Variants in IGSF10 observed in about 807,000 individuals in gnomAD.
The protein encoded by IGSF10 is calvaria mechanical force protein 608.
A neutral mutation model predicts 128.2 loss-of-function variants in IGSF10; 126 were observed. The observed-to-expected ratio is 0.98, with a 90% CI of 0.85 to 1.14. IGSF10 has a LOEUF of 1.14. IGSF10 is among the 50% of genes most tolerant of loss of function. The probability of loss-of-function intolerance (pLI) is 0.00; values close to 1 mark genes in which losing one functional copy is unlikely to be tolerated. For synonymous variants in IGSF10, 1,185 were observed against 1,146.2 expected, an observed-to-expected ratio of 1.03 and a Z score of -0.68; for missense variants, 3,295 against 3,149.8, an observed-to-expected ratio of 1.05 and a Z score of -1.10.
intron 6 of IGSF10, 22 bp from the exon 7 acceptor site, chr3:151,443,906 T>A: frequency 6.5e-7 from 1 of 1,539,736 alleles, no homozygotes; most frequent in Non-Finnish European, 8.8e-7. Flanking sequence ...AAAAGAAAAT[T>A]ATTGCTACGG....
chr3:151,451,810 A>G (rs935436008), intron 5 of IGSF10, among the ~76,000 whole-genome samples: 6 of 152,240 alleles, frequency 3.9e-5, no homozygotes, highest in African/African-American at 1.2e-4. Context: ...AGTATGTAAA[A>G]AAGAATGGAA....
At chr3:151,485,680 A>C in the IGSF10 span, among the ~76,000 whole-genome samples, 1 of 152,196 alleles carries the variant, frequency 6.6e-6, no homozygotes, top group Non-Finnish European at 1.5e-5. Flanking sequence ...TTCAACCCAG[A>C]ATTTCGTATC....
chr3:151,545,459 T>C, the IGSF10 span, among the ~76,000 whole-genome samples: 3 of 152,248 alleles, frequency 2.0e-5, no homozygotes, highest in Admixed American at 2.0e-4. Context: ...GCAAGGCCTT[T>C]GCTCTGAGTG....
chr3:151,576,225 A>T, the IGSF10 span, among the ~76,000 whole-genome samples: 1 of 151,866 alleles, frequency 6.6e-6, no homozygotes, highest in Non-Finnish European at 1.5e-5. Flanking sequence ...ATATATTAGC[A>T]CCATTTTCAT....
chr3:151,442,969 A>G lies in IGSF10; in HGVS notation c.5963+15T>C. The G allele has an allele frequency of 6.3e-7, 1 of 1,597,622 alleles. No individual in the cohort carries two copies. The highest frequency in any genetic ancestry group is 8.5e-7 in the Non-Finnish European group (1 of 1,170,968). On this transcript the variant is annotated intron_variant, in intron 7 of 7. Transcript: ENST00000282466. ...ACATAAAGCAGATAATTCCAACCCA[A>G]AGGTATAGACTTACCTATGCTGCTG...
the IGSF10 span, among the ~76,000 whole-genome samples, chr3:151,542,989 G>A: frequency 6.6e-6 from 1 of 151,796 alleles, no homozygotes; most frequent in African/African-American, 2.4e-5. Context: ...TCTAGACATC[G>A]TCTATTGATA....
the IGSF10 span, among the ~76,000 whole-genome samples, chr3:151,581,091 G>C: frequency 1.3e-5 from 2 of 152,022 alleles, no homozygotes; most frequent in Admixed American, 1.3e-4. Context: ...AAAGCAAGCA[G>C]TTTATATTTT....
intron 2 of IGSF10, among the ~76,000 whole-genome samples, chr3:151,459,571 C>G (rs1491973): frequency 0.92 from 139,784 of 152,244 alleles, 64,387 homozygotes; most frequent in East Asian, 1. Flanking sequence ...TGCTCAGCTT[C>G]GGACATCTCT....
At position 151,448,422 on chromosome 3, in the gene IGSF10, G is replaced by A. The variant is rs1169772435; in HGVS notation, c.1559C>T (p.Pro520Leu). 1.2e-6 allele frequency: 2 copies of A among 1,614,070 alleles called. No individual in the cohort carries two copies. The highest frequency in any genetic ancestry group is 2.2e-5 in the East Asian group (1 of 44,902). Residue 520 changes from proline (P) to leucine (L), a missense_variant, in exon 6 of 8, where the codon CCT (proline) becomes CTT (leucine). By Grantham distance (98) the Pro-to-Leu change is moderately conservative. Transcript: ENST00000282466. ...GATCCGTCCATCCTCACTGACATAAGGGGCTCTCACTTTACTTCCATCAGC... is the reference window on the plus strand; with the variant it reads ...GATCCGTCCATCCTCACTGACATAAAGGGCTCTCACTTTACTTCCATCAGC... ...LLADGSKVRA[P>L]YVSEDGRILI...
the IGSF10 span, among the ~76,000 whole-genome samples, chr3:151,607,620 T>C: frequency 6.6e-6 from 1 of 151,910 alleles, no homozygotes; most frequent in Non-Finnish European, 1.5e-5. Context: ...GATTAAGAAG[T>C]GGGAACATGG....
At chr3:151,494,691 A>C in the IGSF10 span, among the ~76,000 whole-genome samples, 1 of 152,100 alleles carries the variant, frequency 6.6e-6, no homozygotes, top group Non-Finnish European at 1.5e-5. Flanking sequence ...TGAGAAGTTT[A>C]CCTTTTATTC....
the IGSF10 span, among the ~76,000 whole-genome samples, chr3:151,541,145 T>C: frequency 4.6e-5 from 7 of 152,330 alleles, no homozygotes; most frequent in South Asian, 1.4e-3. Flanking sequence ...TTTAATTAAG[T>C]TCATTACATC....
the IGSF10 span, among the ~76,000 whole-genome samples, chr3:151,491,398 G>A: frequency 6.6e-6 from 1 of 152,024 alleles, no homozygotes; most frequent in African/African-American, 2.4e-5. Flanking sequence ...CCAACATGAT[G>A]AGACCCCGTC....
chr3:151,450,450 C>T (rs1240954677), intron 5 of IGSF10, among the ~76,000 whole-genome samples: 3 of 152,180 alleles, frequency 2.0e-5, no homozygotes, highest in African/African-American at 7.2e-5. Flanking sequence ...GAAACTCACT[C>T]TGACCAAGGA....
rs144086705 is a variant in IGSF10 at position 151,437,288 on chromosome 3, T to C, written c.7273A>G (p.Ile2425Val). Reference sequence around the variant, plus strand: ...ACTGGCTTCTGGCCAATTTCTAATATGACTAATTTCTCAATATAGCCAACT... The same window carrying C: ...ACTGGCTTCTGGCCAATTTCTAATACGACTAATTTCTCAATATAGCCAACT... ...NKVGYIEKLVILEIGQKPVIL... is the reference protein window; with the variant it reads ...NKVGYIEKLVVLEIGQKPVIL... The change falls in exon 8 of 8, where the codon ATA becomes GTA. Residue 2425 changes from isoleucine (I) to valine (V), a missense_variant. Transcript: ENST00000282466. 4.3e-6 allele frequency: 7 copies of C among 1,614,080 alleles called. No individual in the cohort carries two copies. Among genetic ancestry groups the C allele is most frequent in the Non-Finnish European group, 5.9e-6 (7 of 1,180,028 alleles).
At chr3:151,492,418 C>T in the IGSF10 span, among the ~76,000 whole-genome samples, 36 of 152,282 alleles carry the variant, frequency 2.4e-4, no homozygotes, top group East Asian at 6.4e-3. Context: ...GGAATATAGA[C>T]TGGTTCAGCT....
rs1721114289 is a variant in IGSF10 at position 151,445,272 on chromosome 3, C to G, written c.4709G>C (p.Trp1570Ser). 1 of 1,614,110 alleles carries G rather than the reference C, an allele frequency of 6.2e-7. No homozygotes were observed. The highest frequency in any genetic ancestry group is 8.5e-7 in the Non-Finnish European group (1 of 1,180,036). Residue 1570 changes from tryptophan (W) to serine (S), a missense_variant, in exon 6 of 8, where the codon TGG becomes TCG. Physicochemically the swap from Trp to Ser is radical, Grantham distance 177. Coordinates refer to ENST00000282466, the MANE Select transcript of IGSF10 (RefSeq NM_178822.5). ...SQNSKLTPSPWAENQFWHKPY... is the reference protein window; with the variant it reads ...SQNSKLTPSPSAENQFWHKPY... Reference sequence around the variant, plus strand: ...TTTGTGCCAAAATTGGTTTTCTGCCCAGGGAGATGGAGTTAATTTAGAATT... The same window carrying G: ...TTTGTGCCAAAATTGGTTTTCTGCCGAGGGAGATGGAGTTAATTTAGAATT...
downstream of IGSF10, chr3:151,434,684 A>AGT (rs1418171773): frequency 4.6e-5 from 7 of 152,226 alleles, no homozygotes; most frequent in African/African-American, 1.7e-4. Flanking sequence ...TGTTGTGCCT[A>AGT]GTGAGTGAGT....
chr3:151,495,891 C>CAT, the IGSF10 span, among the ~76,000 whole-genome samples: 1 of 152,198 alleles, frequency 6.6e-6, no homozygotes, highest in East Asian at 1.9e-4. Context: ...TAGGATCAAC[C>CAT]ATGTTTCATT....
Sources: gnomAD v4.1 joint callset for allele counts (sites outside exome capture counted in the v4.1 genomes callset) on GRCh38, gnomAD v4.1.1 for gene constraint, MANE v1.5 for transcripts, NCBI Gene and HGNC (gene_info 2026-07-23, HGNC 2026-07-21) for gene names.